Variants in GPC5 observed in about 807,000 individuals in gnomAD.
GPC5 encodes the protein glypican 5, also known as glypican-5.
A neutral mutation model predicts 53.9 loss-of-function variants in GPC5; 47 were observed. That is an observed-to-expected ratio of 0.87 (90% CI 0.69 to 1.11). GPC5 has a LOEUF of 1.11. Among genes scored for constraint, GPC5 ranks in the 50% most tolerant of loss-of-function variants. The pLI, the probability that GPC5 is intolerant of heterozygous loss-of-function variation, is 0.00. For synonymous variants in GPC5, 286 were observed against 263.3 expected (o/e 1.09, Z -0.84); for missense variants, 748 against 713.1 (o/e 1.05, Z -0.56).
chr13:91,545,932 C>T (rs2030260258), intron 2 of GPC5, among the ~76,000 whole-genome samples: 1 of 151,798 alleles, frequency 6.6e-6, no homozygotes, highest in East Asian at 1.9e-4. Flanking sequence ...ATTTCAATGT[C>T]CTTGTATTTA....
At position 92,781,830 on chromosome 13, in the gene GPC5, T is replaced by C. The variant is rs1055744411; in HGVS notation, c.1562-84452T>C. Among the ~76,000 whole-genome samples, 7 of 152,348 alleles carry C rather than the reference T, an allele frequency of 4.6e-5. No individual in the cohort carries two copies. In the South Asian group the frequency reaches 1.0e-3, roughly 23 times the overall value. ...GACTGATAGGCAGAGATCTTCAAGCTGTAGCATTAGTAGCTGCTGCCAGCC... is the reference window on the plus strand; with the variant it reads ...GACTGATAGGCAGAGATCTTCAAGCCGTAGCATTAGTAGCTGCTGCCAGCC... On this transcript the variant is annotated intron_variant, in intron 7 of 7. Coordinates refer to ENST00000377067, the MANE Select transcript of GPC5 (RefSeq NM_004466.6).
chr13:92,695,635 C>T (rs1013455772), intron 7 of GPC5, among the ~76,000 whole-genome samples: 1 of 151,568 alleles, frequency 6.6e-6, no homozygotes, highest in African/African-American at 2.4e-5. Context: ...TATATTAGTA[C>T]ATACAACAGA....
intron 6 of GPC5, among the ~76,000 whole-genome samples, chr13:91,980,326 A>G (rs912446726): frequency 8.5e-5 from 13 of 152,192 alleles, no homozygotes; most frequent in Non-Finnish European, 1.3e-4. Context: ...TTTAAGATCT[A>G]TTCCCCACAG....
chr13:91,939,753 C>T (rs1214008957), intron 6 of GPC5, among the ~76,000 whole-genome samples: 2 of 152,102 alleles, frequency 1.3e-5, no homozygotes, highest in Non-Finnish European at 2.9e-5. Context: ...AGGATGAAGT[C>T]ATCAAGCAAG....
intron 7 of GPC5, among the ~76,000 whole-genome samples, chr13:92,385,353 T>C (rs1270481399): frequency 2.3e-5 from 2 of 87,710 alleles, no homozygotes; most frequent in African/African-American, 8.7e-5. Flanking sequence ...TATACATATA[T>C]ACATATATAC....
At chr13:92,083,054 G>A (rs1289588893) in intron 6 of GPC5, among the ~76,000 whole-genome samples, 3 of 152,146 alleles carry the variant, frequency 2.0e-5, no homozygotes, top group Non-Finnish European at 2.9e-5. Flanking sequence ...TTCACATCAC[G>A]GAGATGCTTA....
intron 7 of GPC5, among the ~76,000 whole-genome samples, chr13:92,577,758 A>C (rs532445851): frequency 1.3e-5 from 2 of 151,738 alleles, no homozygotes; most frequent in African/African-American, 2.4e-5. Context: ...AGTAAAAGTC[A>C]TGTGAGAGCA....
chr13:91,911,972 A>G (rs184481663), intron 6 of GPC5, among the ~76,000 whole-genome samples: 2 of 152,302 alleles, frequency 1.3e-5, no homozygotes, highest in East Asian at 3.9e-4. Context: ...AGGAATGTGC[A>G]GAACTCAGGG....
chr13:91,471,127 A>C (rs1037191057), intron 2 of GPC5, among the ~76,000 whole-genome samples: 4 of 152,178 alleles, frequency 2.6e-5, no homozygotes, highest in African/African-American at 9.7e-5. Flanking sequence ...GTAAGACTCC[A>C]TTCTTGGACA....
chr13:92,131,417 A>G (rs1165711338), intron 6 of GPC5, among the ~76,000 whole-genome samples: 1 of 152,088 alleles, frequency 6.6e-6, no homozygotes. Context: ...CGTTATTTAT[A>G]GTAGCCCAAA....
chr13:92,585,413 T>C (rs1290810291), intron 7 of GPC5, among the ~76,000 whole-genome samples: 1 of 152,216 alleles, frequency 6.6e-6, no homozygotes, highest in Non-Finnish European at 1.5e-5. Flanking sequence ...GTAGCCCCTT[T>C]GTTTCAGCCA....
At chr13:92,071,782 A>G (rs527496138) in intron 6 of GPC5, among the ~76,000 whole-genome samples, 5 of 149,736 alleles carry the variant, frequency 3.3e-5, no homozygotes, top group African/African-American at 9.7e-5. Flanking sequence ...AAAAGACACA[A>G]TTTTTTTTAT....
chr13:92,584,542 G>T (rs4383019), intron 7 of GPC5, among the ~76,000 whole-genome samples: 105,172 of 152,010 alleles, frequency 0.69, 37,189 homozygotes, highest in Non-Finnish European at 0.76. Flanking sequence ...AACATAAAAG[G>T]TCAGAAAATT....
chr13:91,791,914 A>T (rs383357), intron 5 of GPC5, among the ~76,000 whole-genome samples: 42,524 of 152,140 alleles, frequency 0.28, 6,625 homozygotes, highest in African/African-American at 0.39. Context: ...TAAAATACGT[A>T]TGTATATTCA....
chr13:92,487,848 A>G (rs1317032718), intron 7 of GPC5, among the ~76,000 whole-genome samples: 3 of 134,418 alleles, frequency 2.2e-5, no homozygotes, highest in African/African-American at 9.6e-5. Context: ...AGTAAAAAAA[A>G]AAAAAAAAAA....
chr13:92,623,139 C>T (rs544111634), intron 7 of GPC5, among the ~76,000 whole-genome samples: 50 of 150,388 alleles, frequency 3.3e-4, no homozygotes, highest in African/African-American at 1.2e-3. Flanking sequence ...GCACTCCAGC[C>T]TGGGTGACAG....
At chr13:92,556,747 T>G (rs1882508094) in intron 7 of GPC5, among the ~76,000 whole-genome samples, 1 of 151,900 alleles carries the variant, frequency 6.6e-6, no homozygotes. Flanking sequence ...GCAATTAAAT[T>G]TGTACTAACC....
chr13:91,972,985 C>A (rs566196031), intron 6 of GPC5, among the ~76,000 whole-genome samples: 1 of 152,118 alleles, frequency 6.6e-6, no homozygotes, highest in South Asian at 2.1e-4. Context: ...GTGGCGTTCT[C>A]TGTATTTCCT....
chr13:91,968,917 C>G (rs773143362), intron 6 of GPC5, among the ~76,000 whole-genome samples: 2 of 151,772 alleles, frequency 1.3e-5, no homozygotes, highest in Non-Finnish European at 2.9e-5. Flanking sequence ...CTTTGTCCTC[C>G]TCTTTCTTTT....
Sources: gnomAD v4.1 joint callset for allele counts (sites outside exome capture counted in the v4.1 genomes callset) on GRCh38, gnomAD v4.1.1 for gene constraint, MANE v1.5 for transcripts, NCBI Gene and HGNC (gene_info 2026-07-23, HGNC 2026-07-21) for gene names.